Variants in RTL4 observed in about 807,000 individuals in gnomAD.
The protein encoded by RTL4 is retrotransposon Gag like 4.
A neutral mutation model predicts 5.3 loss-of-function variants in RTL4; 4 were observed. That is an observed-to-expected ratio of 0.75 (90% CI 0.37 to 1.72). RTL4 has a LOEUF of 1.72. Among genes scored for constraint, RTL4 ranks in the 40% most tolerant of loss-of-function variants. RTL4 has a pLI of 0.04. For missense variants in RTL4, 260 were observed against 227.1 expected, an observed-to-expected ratio of 1.14 and a Z score of -0.93; for synonymous variants, 98 against 87.3, an observed-to-expected ratio of 1.12 and a Z score of -0.68.
chrX:112,119,813 AGAT>A, the RTL4 span, among the ~76,000 whole-genome samples: 1 of 111,901 alleles, frequency 8.9e-6, no homozygotes, highest in Non-Finnish European at 1.9e-5. Flanking sequence ...TTGAGAGCCC[AGAT>A]GATAATATTT....
chrX:112,224,517 T>C, the RTL4 span, among the ~76,000 whole-genome samples: 6 of 109,016 alleles, frequency 5.5e-5, no homozygotes, highest in African/African-American at 1.7e-4. Context: ...AATTTTTGTA[T>C]TTTCAGTAGA....
the RTL4 span, among the ~76,000 whole-genome samples, chrX:112,128,432 G>A: frequency 3.6e-5 from 4 of 111,144 alleles, no homozygotes; most frequent in South Asian, 1.5e-3. Flanking sequence ...GGGAGGCCGA[G>A]GCGGGCGGAT....
the RTL4 span, among the ~76,000 whole-genome samples, chrX:112,083,862 G>A: frequency 4.5e-5 from 5 of 111,134 alleles, no homozygotes; most frequent in African/African-American, 1.6e-4. Context: ...GCAACCTGCA[G>A]GCGCATAGGT....
chrX:112,221,892 A>G, the RTL4 span, among the ~76,000 whole-genome samples: 1 of 112,802 alleles, frequency 8.9e-6, no homozygotes, highest in Non-Finnish European at 1.9e-5. Flanking sequence ...TGAGCTTCCT[A>G]GCTTTTGTTA....
chrX:112,160,106 G>C, the RTL4 span, among the ~76,000 whole-genome samples: 1 of 112,108 alleles, frequency 8.9e-6, no homozygotes, highest in Admixed American at 9.5e-5. Flanking sequence ...TAATATTTTG[G>C]AGTTATACAG....
At chrX:112,351,389 G>A in the RTL4 span, among the ~76,000 whole-genome samples, 2 of 109,553 alleles carry the variant, frequency 1.8e-5, no homozygotes, top group Non-Finnish European at 3.8e-5. Flanking sequence ...AGGTCCACGT[G>A]GTGCAGAGCT....
chrX:112,322,654 C>T, the RTL4 span, among the ~76,000 whole-genome samples: 1 of 110,811 alleles, frequency 9.0e-6, no homozygotes, highest in Non-Finnish European at 1.9e-5. Context: ...TCTCATTTCT[C>T]TTCCTCTTTC....
chrX:112,173,637 G>C, the RTL4 span, among the ~76,000 whole-genome samples: 11 of 110,689 alleles, frequency 9.9e-5, no homozygotes, highest in Non-Finnish European at 1.9e-4. Context: ...GGTTAAGCAT[G>C]TCGGGGAGTT....
the RTL4 span, among the ~76,000 whole-genome samples, chrX:112,199,267 C>T: frequency 6.4e-4 from 60 of 93,252 alleles, no homozygotes; most frequent in African/African-American, 2.3e-3. Context: ...CCAGCCTGGG[C>T]GACGGAGCGA....
chrX:112,422,046 T>C, the RTL4 span, among the ~76,000 whole-genome samples: 1 of 112,312 alleles, frequency 8.9e-6, no homozygotes, highest in Non-Finnish European at 1.9e-5. Flanking sequence ...TCCAATTTGG[T>C]AATAATATTT....
the RTL4 span, among the ~76,000 whole-genome samples, chrX:112,115,487 G>A: frequency 9.0e-6 from 1 of 111,696 alleles, no homozygotes; most frequent in Admixed American, 9.5e-5. Flanking sequence ...GATCTCCAGG[G>A]TTGGAAGAGT....
chrX:112,205,427 A>T, the RTL4 span, among the ~76,000 whole-genome samples: 1 of 111,740 alleles, frequency 8.9e-6, no homozygotes. Context: ...ATTTTACCTT[A>T]AAAAAAGGAA....
chrX:112,394,067 G>GA, the RTL4 span, among the ~76,000 whole-genome samples: 4 of 111,276 alleles, frequency 3.6e-5, no homozygotes, highest in Non-Finnish European at 5.7e-5. Context: ...CCTGACCTGA[G>GA]AATTGCAAAG....
chrX:112,326,515 G>C, the RTL4 span, among the ~76,000 whole-genome samples: 1 of 112,014 alleles, frequency 8.9e-6, no homozygotes, highest in South Asian at 3.7e-4. Context: ...CGCCCACGGA[G>C]TCTTTGCTGA....
the RTL4 span, among the ~76,000 whole-genome samples, chrX:112,171,461 T>C: frequency 9.0e-6 from 1 of 111,731 alleles, no homozygotes; most frequent in Non-Finnish European, 1.9e-5. Flanking sequence ...GGGATTCATT[T>C]TTTTTTCCTG....
At chrX:112,454,594 C>A in exon 1 of RTL4, 1 of 583,583 alleles carries the variant, frequency 1.7e-6, no homozygotes, top group Non-Finnish European at 2.7e-6. Context: ...CTCCTAGTGT[C>A]TTCTTCACAG....
the RTL4 span, among the ~76,000 whole-genome samples, chrX:112,325,854 G>C: frequency 1.8e-5 from 2 of 112,071 alleles, no homozygotes; most frequent in African/African-American, 6.5e-5. Context: ...TACCATCAGA[G>C]TGAACACGCA....
chrX:112,209,616 G>A, the RTL4 span, among the ~76,000 whole-genome samples: 29 of 111,560 alleles, frequency 2.6e-4, no homozygotes, highest in Admixed American at 2.3e-3. Flanking sequence ...GAGTGGAGAC[G>A]ATGGGCATTT....
the RTL4 span, among the ~76,000 whole-genome samples, chrX:112,122,402 T>C: frequency 9.1e-6 from 1 of 110,234 alleles, no homozygotes; most frequent in African/African-American, 3.3e-5. Flanking sequence ...CTCATGGAGA[T>C]TGAAAGTAGA....
Sources: allele counts gnomAD v4.1 joint callset (sites outside exome capture counted in the v4.1 genomes callset), GRCh38; gene constraint gnomAD v4.1.1; transcripts MANE v1.5; gene names NCBI Gene and HGNC (gene_info 2026-07-23, HGNC 2026-07-21).